The following PRSS2 variants were observed in gnomAD, a reference collection of about 807,000 sequenced individuals.
PRSS2 encodes serine protease 2.
Under a neutral mutation model 19.2 loss-of-function variants are expected in PRSS2, and 19 were observed. The ratio of observed to expected loss-of-function variants is 0.99; its 90% CI spans 0.69 to 1.45. PRSS2 has a LOEUF of 1.45. Among genes scored for constraint, PRSS2 ranks in the 40% most tolerant of loss-of-function variants. The probability of loss-of-function intolerance (pLI) is 0.00; values close to 1 mark genes in which losing one functional copy is unlikely to be tolerated. For missense variants in PRSS2, 288 were observed against 294.4 expected (o/e 0.98, Z 0.16); for synonymous variants, 107 against 117.5 (o/e 0.91, Z 0.58).
chr7:142,773,620 C>A (rs1195250096), intron 3 of PRSS2, 101 bp downstream of exon 3: 1 of 1,353,352 alleles, frequency 7.4e-7, no homozygotes, highest in Non-Finnish European at 1.0e-6. Context: ...GCTTAAGACA[C>A]ATTTCTAGTG....
chr7:142,774,077 C>T (rs751671531), intron 4 of PRSS2, 22 bp downstream of exon 4: 2 of 1,578,186 alleles, frequency 1.3e-6, no homozygotes, highest in Non-Finnish European at 1.7e-6. Flanking sequence ...CCTTCCCATG[C>T]TGAGGCTCCC....
At chr7:142,771,548 T>C (rs1448785947) in intron 1 of PRSS2, among the ~76,000 whole-genome samples, 1 of 152,206 alleles carries the variant, frequency 6.6e-6, no homozygotes, top group Non-Finnish European at 1.5e-5. Flanking sequence ...TATACCTTTG[T>C]TCTGCAAAAG....
intron 3 of PRSS2, among the ~76,000 whole-genome samples, 167 bp from the exon 4 acceptor site, chr7:142,773,751 TC>T (rs1800181550): frequency 6.6e-6 from 1 of 152,232 alleles, no homozygotes; most frequent in East Asian, 1.9e-4. Flanking sequence ...TGGGAGAGGT[TC>T]AACAATGATC....
Position 142,773,641 on chromosome 7 carries a change from A to T in PRSS2, c.454+122A>T, listed in dbSNP as rs978665480. The T allele has an allele frequency of 3.9e-6, 5 of 1,284,040 alleles. No individual in the cohort carries two copies. The African/African-American group carries it at 4.3e-5, about 11-fold the overall frequency. 79.5% of individuals were successfully genotyped at this position (1,284,040 alleles called of 1,614,324 possible). ...GACACATTTCTAGTGCCCATTACACACAGGCTCTGCACTGGGCACCAGAGA... is the reference window on the plus strand; with the variant it reads ...GACACATTTCTAGTGCCCATTACACTCAGGCTCTGCACTGGGCACCAGAGA... On this transcript the variant is annotated intron_variant, in intron 3 of 4. Transcript: ENST00000539842.
rs1554507104 is a variant in PRSS2, at chr7:142,774,052, C to T, written c.588C>T (p.Cys196=). The T allele has an allele frequency of 5.0e-6, 8 of 1,592,680 alleles. No homozygotes were observed. The highest frequency in any genetic ancestry group is 1.1e-5 in the South Asian group (1 of 90,546). Residue 196 remains cysteine, a synonymous_variant, in exon 4 of 5, where the codon TGC becomes TGT. Coordinates refer to ENST00000539842, the MANE Select transcript of PRSS2 (RefSeq NM_002770.4). ...VGFLEGGKDS[C]QGDSGGPVVS... is the part of the protein sequence containing the mutation. ...TCCTCGAGGGAGGCAAGGATTCCTG[C>T]CAGGTGATTTGACCCCTTCCCATGC...
rs1799998269 is a variant in PRSS2, at chr7:142,772,338, G to A, written c.200+130G>A. 1.4e-5 allele frequency: 18 copies of A among 1,261,700 alleles called. 1 individual carries two copies. The South Asian group carries it at 2.2e-4, about 15-fold the overall frequency. The allele number at this position is 1,261,700 out of a possible 1,614,324, so 78.2% of individuals were successfully genotyped here. ...TGGTGGAAAAGAAAACTTGTTGGCA[G>A]CAGCTGACTCTCCAGAGCAGAGAGT... On this transcript the variant is annotated intron_variant, in intron 2 of 4. Coordinates refer to ENST00000539842, the MANE Select transcript of PRSS2 (RefSeq NM_002770.4).
At chr7:142,771,958 G>C (rs1007575099) in intron 1 of PRSS2, 91 bp from the exon 2 acceptor site, 1 of 1,457,822 alleles carries the variant, frequency 6.9e-7, no homozygotes, top group Non-Finnish European at 9.1e-7. Flanking sequence ...GCTTGTTAAG[G>C]TTTTCTAATT....
rs1031634275 is a variant in PRSS2, at chr7:142,773,139, T to C, written c.201-127T>C. Reference sequence around the variant, plus strand: ...ACATTGCTCTCCTGCCCATGCAATATGGCCACACACCCCACCCCATGCCTC... The same window carrying C: ...ACATTGCTCTCCTGCCCATGCAATACGGCCACACACCCCACCCCATGCCTC... On this transcript the variant is annotated intron_variant, in intron 2 of 4. Coordinates refer to ENST00000539842, the MANE Select transcript of PRSS2 (RefSeq NM_002770.4). The C allele has an allele frequency of 1.2e-4, 191 of 1,552,694 alleles. 1 individual carries two copies. Among genetic ancestry groups the C allele is most frequent in the Middle Eastern group, 7.8e-4 (4 of 5,160 alleles).
Position 142,772,156 on chromosome 7 carries a change from G to A in PRSS2, c.148G>A (p.Gly50Ser), listed in dbSNP as rs1799969572. ...GAATTCTGGCTACCACTTCTGCGGTGGCTCCCTCATCAGCGAACAGTGGGT... is the reference window on the plus strand; with the variant it reads ...GAATTCTGGCTACCACTTCTGCGGTAGCTCCCTCATCAGCGAACAGTGGGT... ...SLNSGYHFCG[G>S]SLISEQWVVS... Residue 50 changes from glycine (G) to serine (S), a missense_variant, in exon 2 of 5, where the codon GGC becomes AGC. Coordinates refer to ENST00000539842, the MANE Select transcript of PRSS2 (RefSeq NM_002770.4). 3.7e-6 allele frequency: 6 copies of A among 1,613,766 alleles called. No individual in the cohort carries two copies. The highest frequency in any genetic ancestry group is 5.1e-6 in the Non-Finnish European group (6 of 1,179,762).
intron 2 of PRSS2, chr7:142,772,714 A>G: frequency 1.8e-6 from 1 of 548,244 alleles, no homozygotes; most frequent in Non-Finnish European, 3.2e-6. Context: ...AACTCCCTGC[A>G]GGCTTGTTAA....
chr7:142,771,282 G>A (rs932593595), intron 1 of PRSS2, among the ~76,000 whole-genome samples: 3 of 152,196 alleles, frequency 2.0e-5, no homozygotes, highest in Non-Finnish European at 4.4e-5. Context: ...GGTGGGGCTG[G>A]CCCATGAAAT....
rs1457796129 is a variant in PRSS2 at position 142,773,281 on chromosome 7, A to T, written c.216A>T (p.Arg72Ser). The T allele has an allele frequency of 6.2e-7, 1 of 1,614,102 alleles. No individual in the cohort carries two copies. The highest frequency in any genetic ancestry group is 1.3e-5 in the African/African-American group (1 of 74,948). Residue 72 changes from arginine to serine, a missense_variant, in exon 3 of 5, where the codon AGA becomes AGT. Transcript: ENST00000539842. ...GHCYKSRIQV[R>S]LGEHNIEVLE... ...TGCCCATCAGCCGCATCCAGGTGAG[A>T]CTGGGAGAGCACAACATCGAAGTCC...
At position 142,773,271 on chromosome 7, in the gene PRSS2, T is replaced by G. The variant is rs1425424511; in HGVS notation, c.206T>G (p.Ile69Ser). Residue 69 changes from isoleucine (I) to serine (S), a missense_variant, in exon 3 of 5, where the codon ATC (isoleucine) becomes AGC (serine). Physicochemically the swap from Ile to Ser is moderately radical, Grantham distance 142. Coordinates refer to ENST00000539842, the MANE Select transcript of PRSS2 (RefSeq NM_002770.4). ...VSAGHCYKSRIQVRLGEHNIE... is the reference protein window; with the variant it reads ...VSAGHCYKSRSQVRLGEHNIE... ...ATGCCTGCCCTGCCCATCAGCCGCA[T>G]CCAGGTGAGACTGGGAGAGCACAAC... 1.9e-6 allele frequency: 3 copies of G among 1,614,086 alleles called. No individual in the cohort carries two copies. The highest frequency in any genetic ancestry group is 4.5e-5 in the East Asian group (2 of 44,886).
chr7:142,771,182 C>A (rs1009657805), intron 1 of PRSS2, among the ~76,000 whole-genome samples, 160 bp downstream of exon 1: 19 of 152,192 alleles, frequency 1.2e-4, no homozygotes, highest in Admixed American at 3.9e-4. Context: ...TTTTAAGCCT[C>A]ACTTGTTCCA....
rs73740334 is a variant in PRSS2, at chr7:142,771,929, C to G, written c.41-120C>G. ...TCACCAGGGCTGGCAGCGCTCCCCC[C>G]CTTGCCTAGCCTCACTGAGCTTGTT... On this transcript the variant is annotated intron_variant, in intron 1 of 4. Coordinates refer to ENST00000539842, the MANE Select transcript of PRSS2 (RefSeq NM_002770.4). 6.4e-4 allele frequency: 869 copies of G among 1,352,726 alleles called. 3 individuals are homozygous for G. In the African/African-American group the frequency reaches 0.02, roughly 31 times the overall value. 83.8% of individuals were successfully genotyped at this position (1,352,726 alleles called of 1,614,324 possible). A position where few individuals can be genotyped will look rare whatever the true frequency, so the allele number is the denominator to read the frequency against.
At chr7:142,773,124 C>G (rs1800095433) in intron 2 of PRSS2, 142 bp from the exon 3 acceptor site, 2 of 1,465,960 alleles carry the variant, frequency 1.4e-6, no homozygotes, top group Non-Finnish European at 1.9e-6. Flanking sequence ...ACATTGCTCT[C>G]CTGCCCATGC....
At chr7:142,772,332 T>C (rs1799997112) in intron 2 of PRSS2, 124 bp downstream of exon 2, 3 of 1,368,818 alleles carry the variant, frequency 2.2e-6, no homozygotes, top group African/African-American at 2.9e-5. Context: ...AGAAAACTTG[T>C]TGGCAGCAGC....
chr7:142,774,545 G>C lies in PRSS2; in HGVS notation c.*37G>C. 1.6e-6 allele frequency: 2 copies of C among 1,256,338 alleles called. No individual in the cohort carries two copies. The highest frequency in any genetic ancestry group is 7.0e-5 in the African/African-American group (2 of 28,440). The allele number at this position is 1,256,338 out of a possible 1,614,324, so 77.8% of individuals were successfully genotyped here. On this transcript the variant is annotated 3_prime_UTR_variant, in exon 5 of 5. Transcript: ENST00000539842. ...CCTCTGCAGTCTCTATACCAATAAA[G>C]TGACCCTGCTCTCACTGTCTGTGTC... is the stretch of plus-strand genomic sequence containing the variant.
At position 142,773,528 on chromosome 7, in the gene PRSS2, G is replaced by T. The variant is rs572094008; in HGVS notation, c.454+9G>T. The T allele has an allele frequency of 1.4e-6, 2 of 1,458,970 alleles. No homozygotes were observed. Among genetic ancestry groups the T allele is most frequent in the African/African-American group, 1.8e-5 (1 of 55,348 alleles). 90.4% of individuals were successfully genotyped at this position (1,458,970 alleles called of 1,614,324 possible). A position where few individuals can be genotyped will look rare whatever the true frequency, so the allele number is the denominator to read the frequency against. The stretch of plus-strand genomic sequence containing the variant: ...CACTCTGAGTTCTGGTGGTGAGTGG[G>T]ACCCTTTGTCCTTCTACTTCCCTCC... On this transcript the variant is annotated intron_variant, in intron 3 of 4. Coordinates refer to ENST00000539842, the MANE Select transcript of PRSS2 (RefSeq NM_002770.4).
Sources: gnomAD v4.1 joint callset for allele counts (sites outside exome capture counted in the v4.1 genomes callset) on GRCh38, gnomAD v4.1.1 for gene constraint, MANE v1.5 for transcripts, NCBI Gene and HGNC (gene_info 2026-07-23, HGNC 2026-07-21) for gene names.